Variants in PKN2 observed in about 807,000 individuals in gnomAD.
PKN2 encodes serine/threonine-protein kinase N2.
Under a neutral mutation model 119.1 loss-of-function variants are expected in PKN2, and 38 were observed. That is an observed-to-expected ratio of 0.32 (90% CI 0.25 to 0.42). The LOEUF (loss-of-function observed/expected upper bound fraction) is 0.42. PKN2 is among the 10% of genes least tolerant of loss of function. The pLI, the probability that PKN2 is intolerant of heterozygous loss-of-function variation, is 1.00. For missense variants in PKN2, 850 were observed against 1,165.1 expected (o/e 0.73, Z 3.94); for synonymous variants, 390 against 384.9 (o/e 1.01, Z -0.15).
intron 8 of PKN2, among the ~76,000 whole-genome samples, chr1:88,798,679 A>T (rs1470119695): frequency 1.3e-5 from 2 of 152,234 alleles, no homozygotes; most frequent in East Asian, 1.9e-4. Flanking sequence ...GACATGAAGG[A>T]TAAACTAAGA....
rs950291252 is a variant in PKN2 at position 88,807,399 on chromosome 1, G to A, written c.1890G>A (p.Gln630=). The change falls in exon 13 of 22, where the codon CAG becomes CAA. Residue 630 remains glutamine (Q), a synonymous_variant. Coordinates refer to ENST00000370521, the MANE Select transcript of PKN2 (RefSeq NM_006256.4). Reference sequence around the variant, plus strand: ...CTGAATACAAGCCTGATACTCCTCAGTCAGGCCTAGAATATAGTGGTATTC... The same window carrying A: ...CTGAATACAAGCCTGATACTCCTCAATCAGGCCTAGAATATAGTGGTATTC... ...SQSEYKPDTP[Q]SGLEYSGIQE... is the part of the protein sequence containing the mutation. 6.2e-7 allele frequency: 1 copy of A among 1,608,572 alleles called. No homozygotes were observed. The highest frequency in any genetic ancestry group is 1.3e-5 in the African/African-American group (1 of 74,846).
chr1:88,701,140 A>C (rs1666752831), intron 1 of PKN2, among the ~76,000 whole-genome samples: 1 of 152,196 alleles, frequency 6.6e-6, no homozygotes, highest in Non-Finnish European at 1.5e-5. Context: ...ATGTTACTTA[A>C]TCGTTAAAAC....
intron 3 of PKN2, 79 bp from the exon 4 acceptor site, chr1:88,770,273 C>T (rs1412649390): frequency 1.3e-6 from 1 of 767,456 alleles, no homozygotes; most frequent in Admixed American, 2.2e-5. Flanking sequence ...TGATATATCA[C>T]TTGATCTGTT....
intron 1 of PKN2, among the ~76,000 whole-genome samples, chr1:88,696,214 C>G (rs941964277): frequency 2.0e-5 from 3 of 152,166 alleles, no homozygotes; most frequent in African/African-American, 7.2e-5. Flanking sequence ...ATTTATCCTT[C>G]AGATTAACCA....
At chr1:88,826,402 T>G (rs1672501300) in intron 18 of PKN2, among the ~76,000 whole-genome samples, 1 of 151,972 alleles carries the variant, frequency 6.6e-6, no homozygotes, top group Non-Finnish European at 1.5e-5. Context: ...GGTAGATAGT[T>G]TTTTTGGAGG....
intron 1 of PKN2, among the ~76,000 whole-genome samples, chr1:88,708,617 CTTTTTT>C (rs769170898): frequency 8.4e-6 from 1 of 118,484 alleles, no homozygotes; most frequent in Admixed American, 8.7e-5. Context: ...ACACATAAAA[CTTTTTT>C]TTTTTTTTTT....
intron 16 of PKN2, among the ~76,000 whole-genome samples, chr1:88,814,642 A>G (rs1325869471): frequency 6.6e-6 from 1 of 151,950 alleles, no homozygotes; most frequent in Non-Finnish European, 1.5e-5. Flanking sequence ...CAGGCCTGCT[A>G]CTCTTAGTCT....
chr1:88,806,151 T>G, intron 12 of PKN2, 134 bp downstream of exon 12: 1 of 781,538 alleles, frequency 1.3e-6, no homozygotes. Flanking sequence ...TGTTTGTTTT[T>G]TGTTTTTGTT....
At chr1:88,738,412 A>G (rs1668439642) in intron 1 of PKN2, among the ~76,000 whole-genome samples, 1 of 152,256 alleles carries the variant, frequency 6.6e-6, no homozygotes, top group South Asian at 2.1e-4. Flanking sequence ...AACAGGGTCA[A>G]GAAGATACTT....
intron 6 of PKN2, among the ~76,000 whole-genome samples, chr1:88,773,321 C>T (rs1013206663): frequency 2.6e-5 from 4 of 151,956 alleles, no homozygotes; most frequent in African/African-American, 7.3e-5. Flanking sequence ...CTCAGCCTCC[C>T]GAGTAGCTGG....
intron 6 of PKN2, among the ~76,000 whole-genome samples, chr1:88,779,664 A>C (rs1403607953): frequency 6.6e-6 from 1 of 152,266 alleles, no homozygotes; most frequent in South Asian, 2.1e-4. Context: ...AATGCCAACA[A>C]ACCTTAAAAT....
intron 19 of PKN2, among the ~76,000 whole-genome samples, chr1:88,832,259 A>G (rs1672757709): frequency 6.6e-6 from 1 of 151,926 alleles, no homozygotes; most frequent in African/African-American, 2.4e-5. Flanking sequence ...GCCTTCCTTT[A>G]TTATAACATT....
At chr1:88,760,172 T>G (rs1669384345) in intron 2 of PKN2, 50 bp from the exon 3 acceptor site, 6 of 1,047,632 alleles carry the variant, frequency 5.7e-6, no homozygotes, top group Non-Finnish European at 7.1e-6. Context: ...CTTCCAATTT[T>G]AAGCAGCAAT....
chr1:88,748,100 CA>C (rs1231421994), intron 2 of PKN2, among the ~76,000 whole-genome samples: 1 of 151,842 alleles, frequency 6.6e-6, no homozygotes, highest in Non-Finnish European at 1.5e-5. Flanking sequence ...ATATATTTTC[CA>C]AAAAAGTTAA....
In PKN2 at chr1:88,833,103, C is replaced by G; in HGVS notation, c.2697C>G (p.Arg899=). 6.2e-7 allele frequency: 1 copy of G among 1,612,690 alleles called. No homozygotes were observed. Among genetic ancestry groups the G allele is most frequent in the Non-Finnish European group, 8.5e-7 (1 of 1,179,258 alleles). Residue 899 remains arginine, a synonymous_variant, in exon 21 of 22, where the codon CGC becomes CGG. Coordinates refer to ENST00000370521, the MANE Select transcript of PKN2 (RefSeq NM_006256.4). ...RRLLRRNPER[R]LGASEKDAED... is the part of the protein sequence containing the mutation. Reference sequence around the variant, plus strand: ...TGTTAAGAAGAAATCCTGAACGGCGCCTTGGGGCTAGCGAGAAAGATGCAG... The same window carrying G: ...TGTTAAGAAGAAATCCTGAACGGCGGCTTGGGGCTAGCGAGAAAGATGCAG...
chr1:88,735,718 C>A, intron 1 of PKN2, among the ~76,000 whole-genome samples: 1 of 149,822 alleles, frequency 6.7e-6, no homozygotes, highest in South Asian at 2.1e-4. Context: ...CAGATTGGGA[C>A]TTCCTTATAT....
At chr1:88,772,987 A>G (rs1669954728) in intron 6 of PKN2, among the ~76,000 whole-genome samples, 1 of 152,052 alleles carries the variant, frequency 6.6e-6, no homozygotes, top group East Asian at 1.9e-4. Flanking sequence ...CTGTTTTGCT[A>G]GGTTCATGTA....
chr1:88,789,395 C>T (rs1670717135), intron 8 of PKN2, among the ~76,000 whole-genome samples: 1 of 151,996 alleles, frequency 6.6e-6, no homozygotes, highest in Non-Finnish European at 1.5e-5. Context: ...TGTGCAGTAG[C>T]TTATGCTTGT....
chr1:88,816,214 A>G (rs1028819428), intron 16 of PKN2, among the ~76,000 whole-genome samples: 1 of 152,168 alleles, frequency 6.6e-6, no homozygotes, highest in African/African-American at 2.4e-5. Context: ...TAAGTTTGCT[A>G]AGAAAATTAT....
Sources: allele counts gnomAD v4.1 joint callset (sites outside exome capture counted in the v4.1 genomes callset), GRCh38; gene constraint gnomAD v4.1.1; transcripts MANE v1.5; gene names NCBI Gene and HGNC (gene_info 2026-07-23, HGNC 2026-07-21).